The following ARHGAP20 variants were observed in gnomAD, a reference collection of about 807,000 sequenced individuals.
ARHGAP20 encodes Rho GTPase activating protein 20.
A neutral mutation model predicts 73.7 loss-of-function variants in ARHGAP20; 34 were observed. The ratio of observed to expected loss-of-function variants is 0.46; its 90% confidence interval spans 0.35 to 0.61. The LOEUF (loss-of-function observed/expected upper bound fraction) is 0.61. ARHGAP20 is among the 20% of genes least tolerant of loss of function. The pLI is 0.00. For synonymous variants in ARHGAP20, 523 were observed against 518.2 expected, an observed-to-expected ratio of 1.01 and a Z score of -0.13; for missense variants, 1,314 against 1,420.9, an observed-to-expected ratio of 0.92 and a Z score of 1.21.
At position 110,588,456 on chromosome 11, in the gene ARHGAP20, A is replaced by G. The variant is rs908165686; in HGVS notation, c.1306-2131T>C. On this transcript the variant is annotated intron_variant, in intron 11 of 14. Coordinates refer to ENST00000683387, the MANE Select transcript of ARHGAP20 (RefSeq NM_001384657.1). ...ACCAGCATAAGTGAAAAAAAGTACC[A>G]CTTCAAAACAGATTCAAAAACAAGA... 5.9e-5 allele frequency among the ~76,000 whole-genome samples: 9 copies of G among 152,382 alleles called. No homozygotes were observed. In the South Asian group the frequency reaches 1.7e-3, roughly 28 times the overall value.
intron 2 of ARHGAP20, among the ~76,000 whole-genome samples, chr11:110,631,845 C>T (rs1377243968): frequency 6.6e-6 from 1 of 152,148 alleles, no homozygotes. Flanking sequence ...CTCCTTATAC[C>T]AGTCAATCCT....
intron 2 of ARHGAP20, among the ~76,000 whole-genome samples, chr11:110,633,810 G>A (rs765074464): frequency 6.6e-6 from 1 of 152,184 alleles, no homozygotes; most frequent in Non-Finnish European, 1.5e-5. Flanking sequence ...AATGTACTGA[G>A]TCTGAAATTA....
chr11:110,697,493 C>T (rs940489464), intron 1 of ARHGAP20, among the ~76,000 whole-genome samples: 1 of 151,512 alleles, frequency 6.6e-6, no homozygotes, highest in Non-Finnish European at 1.5e-5. Context: ...GTCAGAGGCA[C>T]AATTTGTGAA....
At chr11:110,692,324 C>A (rs1361263648) in intron 1 of ARHGAP20, among the ~76,000 whole-genome samples, 1 of 152,164 alleles carries the variant, frequency 6.6e-6, no homozygotes. Flanking sequence ...GCAGTTTGTT[C>A]ATATCCATCA....
chr11:110,650,394 C>T (rs1949323498), intron 2 of ARHGAP20, among the ~76,000 whole-genome samples: 1 of 152,098 alleles, frequency 6.6e-6, no homozygotes, highest in Non-Finnish European at 1.5e-5. Context: ...ATCTGTGGTG[C>T]TACAAATAAT....
At position 110,583,682 on chromosome 11, in the gene ARHGAP20, C is replaced by A. The variant is rs1300567646; in HGVS notation, c.1471G>T (p.Val491Leu). The A allele has an allele frequency of 6.2e-7, 1 of 1,608,500 alleles. No individual in the cohort carries two copies. ...GAATGTTGCTCAATGTTGTGTAACA[C>A]CCCAAAAAGATACCTTAGGAGAACA... ...NVVLLRYLFG[V>L]LHNIEQHSSS... Residue 491 changes from valine (V) to leucine (L), a missense_variant, in exon 13 of 15, where the codon GTG (valine) becomes TTG (leucine). This residue lies in a region of ARHGAP20 where 230 missense variants were observed against 317.6 expected (regional missense o/e 0.72). Coordinates refer to ENST00000683387, the MANE Select transcript of ARHGAP20 (RefSeq NM_001384657.1).
At chr11:110,645,061 G>C (rs927873649) in intron 2 of ARHGAP20, among the ~76,000 whole-genome samples, 3 of 151,758 alleles carry the variant, frequency 2.0e-5, no homozygotes, top group Admixed American at 6.6e-5. Flanking sequence ...CCAGACTGGA[G>C]TGCAGTGGTG....
chr11:110,612,438 C>A (rs1057085180), intron 6 of ARHGAP20, among the ~76,000 whole-genome samples: 1 of 150,086 alleles, frequency 6.7e-6, no homozygotes, highest in Non-Finnish European at 1.5e-5. Context: ...AAAAAAAAAA[C>A]AAAAAACAAA....
intron 4 of ARHGAP20, among the ~76,000 whole-genome samples, chr11:110,619,554 CAGTGATAGAGTATATGT>C (rs1948577148): frequency 6.9e-6 from 1 of 144,798 alleles, no homozygotes; most frequent in Admixed American, 6.9e-5. Flanking sequence ...AGAGTATATG[CAGTGATAGAGTATATGT>C]AGTGATAGCG....
intron 9 of ARHGAP20, among the ~76,000 whole-genome samples, chr11:110,594,845 G>T (rs1011331228): frequency 2.1e-4 from 32 of 149,720 alleles, no homozygotes; most frequent in African/African-American, 7.7e-4. Context: ...AAAAAAAAAA[G>T]AGCATTTTAG....
chr11:110,583,558 A>T lies in ARHGAP20; in HGVS notation c.1595T>A (p.Phe532Tyr), dbSNP rs1388797562. 3 of 1,593,348 alleles carry T rather than the reference A, an allele frequency of 1.9e-6. No individual in the cohort carries two copies. Among genetic ancestry groups the T allele is most frequent in the South Asian group, 2.3e-5 (2 of 87,798 alleles). ...GAAAAACTTCATTACCTTTTTTGTAAATTCGTTTTCTAGTTCTGGGCTGGA... is the reference window on the plus strand; with the variant it reads ...GAAAAACTTCATTACCTTTTTTGTATATTCGTTTTCTAGTTCTGGGCTGGA... ...ASSSPELENE[F>Y]TKKVSLLIQF... The change falls in exon 13 of 15, where the codon TTT (phenylalanine) becomes TAT (tyrosine). Residue 532 changes from phenylalanine to tyrosine, a missense_variant. Phe to Tyr is a conservative substitution (Grantham distance 22). Around this residue, in one of 3 missense-constraint regions of ARHGAP20, gnomAD observed 230 missense variants for 317.6 expected, o/e 0.72. Coordinates refer to ENST00000683387, the MANE Select transcript of ARHGAP20 (RefSeq NM_001384657.1).
In ARHGAP20 at chr11:110,578,735, G is replaced by A. The variant is rs1168995271; in HGVS notation, c.*635C>T. 1.0e-6 allele frequency: 1 copy of A among 985,270 alleles called. No homozygotes were observed. Among genetic ancestry groups the A allele is most frequent in the Non-Finnish European group, 1.2e-6 (1 of 829,938 alleles). The allele number at this position is 985,270 out of a possible 1,614,324, so 61.0% of individuals were successfully genotyped here. ...ATACAACCAACAAAACTGATATCAT[G>A]GTACCCATGGCTTTTGAGTCACTCT... On this transcript the variant is annotated 3_prime_UTR_variant, in exon 15 of 15. Transcript: ENST00000683387.
intron 1 of ARHGAP20, among the ~76,000 whole-genome samples, chr11:110,701,162 C>T (rs1950442899): frequency 6.6e-6 from 1 of 151,602 alleles, no homozygotes; most frequent in Admixed American, 6.6e-5. Flanking sequence ...GAGGAATCGC[C>T]ACACTGACTT....
chr11:110,703,482 GATTCATTCATATAT>G (rs1034664813), intron 1 of ARHGAP20, among the ~76,000 whole-genome samples: 3 of 150,690 alleles, frequency 2.0e-5, no homozygotes, highest in South Asian at 2.1e-4. Flanking sequence ...CATATATATG[GATTCATTCATATAT>G]ATTCATTCAT....
At chr11:110,602,115 G>A (rs1565432544) in intron 9 of ARHGAP20, among the ~76,000 whole-genome samples, 1 of 152,164 alleles carries the variant, frequency 6.6e-6, no homozygotes, top group Non-Finnish European at 1.5e-5. Context: ...GAGATGGTAT[G>A]TGGTGCGCTC....
intron 13 of ARHGAP20, 65 bp from the exon 14 acceptor site, chr11:110,582,500 A>G: frequency 9.2e-7 from 1 of 1,085,204 alleles, no homozygotes; most frequent in Non-Finnish European, 1.4e-6. Context: ...CACATTTCAT[A>G]TATAAATCCT....
intron 4 of ARHGAP20, among the ~76,000 whole-genome samples, chr11:110,623,237 T>C (rs1509317): frequency 0.33 from 49,599 of 152,048 alleles, 8,594 homozygotes; most frequent in African/African-American, 0.43. Context: ...TCTGGCTTTA[T>C]GATGATGTCC....
chr11:110,621,645 C>A (rs933944369), intron 4 of ARHGAP20, among the ~76,000 whole-genome samples: 1 of 151,966 alleles, frequency 6.6e-6, no homozygotes, highest in Admixed American at 6.6e-5. Flanking sequence ...TATTTCCTAT[C>A]TTTTTATTAA....
chr11:110,671,025 T>G (rs79613027), intron 2 of ARHGAP20, among the ~76,000 whole-genome samples: 3,328 of 152,162 alleles, frequency 0.022, 57 homozygotes, highest in Non-Finnish European at 0.034. Flanking sequence ...TAGTATGACC[T>G]CTAGTCGATA....
Sources: allele counts gnomAD v4.1 joint callset (sites outside exome capture counted in the v4.1 genomes callset), GRCh38; gene constraint gnomAD v4.1.1; regional missense constraint gnomAD v4.1.1; transcripts MANE v1.5; gene names NCBI Gene and HGNC (gene_info 2026-07-23, HGNC 2026-07-21).